The following NAMPT variants were observed in gnomAD, a reference collection of about 807,000 sequenced individuals.
NAMPT encodes the protein nicotinamide phosphoribosyltransferase.
Under a neutral mutation model 58.7 loss-of-function variants are expected in NAMPT, and 7 were observed. The ratio of observed to expected loss-of-function variants is 0.12; its 90% CI spans 0.07 to 0.22. NAMPT has a LOEUF of 0.22. Among genes scored for constraint, NAMPT ranks in the 10% least tolerant of loss-of-function variants. The pLI is 1.00. For missense variants in NAMPT, 271 were observed against 567.9 expected (o/e 0.48, Z 5.31); for synonymous variants, 145 against 198.1 (o/e 0.73, Z 2.25).
chr7:106,277,492 G>T (rs1792670573), intron 1 of NAMPT, among the ~76,000 whole-genome samples: 1 of 152,194 alleles, frequency 6.6e-6, no homozygotes, highest in African/African-American at 2.4e-5. Context: ...AGAGAGAGAA[G>T]CAGCTGCCTA....
At chr7:106,267,876 A>AAAAAAAAAAAAAAACAAAAAAAAAC (rs1189395299) in intron 6 of NAMPT, among the ~76,000 whole-genome samples, 1 of 130,394 alleles carries the variant, frequency 7.7e-6, no homozygotes, top group Non-Finnish European at 1.7e-5. Flanking sequence ...AAAAAAAAAA[A>AAAAAAAAAAAAAAACAAAAAAAAAC]CAACCTGATT....
chr7:106,283,834 G>A (rs1015316684), intron 1 of NAMPT, among the ~76,000 whole-genome samples: 9 of 152,004 alleles, frequency 5.9e-5, no homozygotes, highest in Admixed American at 2.0e-4. Context: ...TCGGAGGAGG[G>A]CTAAAAACAA....
chr7:106,271,444 G>A (rs952979205), intron 4 of NAMPT, among the ~76,000 whole-genome samples: 1 of 152,040 alleles, frequency 6.6e-6, no homozygotes, highest in Admixed American at 6.6e-5. Flanking sequence ...TCACTCAAAG[G>A]CCCTTTAAGT....
chr7:106,282,088 C>A (rs1792776509), intron 1 of NAMPT, among the ~76,000 whole-genome samples: 1 of 152,062 alleles, frequency 6.6e-6, no homozygotes, highest in Non-Finnish European at 1.5e-5. Context: ...CAAGCTGCAA[C>A]AGTACCCCAC....
intron 10 of NAMPT, among the ~76,000 whole-genome samples, chr7:106,252,515 T>G (rs572038691): frequency 2.0e-5 from 3 of 152,070 alleles, no homozygotes; most frequent in Non-Finnish European, 4.4e-5. Context: ...TGTCTAAAGT[T>G]TTTTTTGATC....
Position 106,284,762 on chromosome 7 carries a change from C to CCCCTGCCCAT in NAMPT, c.57+65_57+66insATGGGCAGGG, listed in dbSNP as rs1792837047. ...AACCCCAGCCCCAGCCGCCCCCGCC[C>CCCCTGCCCAT]CCCTGCCGCGCGCTCGTCCCCAGCG... is the stretch of plus-strand genomic sequence containing the variant. On this transcript the variant is annotated intron_variant, in intron 1 of 10. Transcript: ENST00000222553. 2.9e-6 allele frequency: 4 copies of CCCCTGCCCAT among 1,397,350 alleles called. No individual in the cohort carries two copies. In the Admixed American group the frequency reaches 9.5e-5, roughly 33 times the overall value. The allele number at this position is 1,397,350 out of a possible 1,614,324, so 86.6% of individuals were successfully genotyped here.
At chr7:106,255,817 C>T (rs1381398207) in intron 8 of NAMPT, among the ~76,000 whole-genome samples, 5 of 151,858 alleles carry the variant, frequency 3.3e-5, no homozygotes, top group Non-Finnish European at 7.4e-5. Flanking sequence ...AGAAGAAATG[C>T]AAAGAGTAGA....
chr7:106,267,874 A>AAAAAAAAAAAAAAAAC (rs1453900060), intron 6 of NAMPT, among the ~76,000 whole-genome samples: 1 of 135,170 alleles, frequency 7.4e-6, no homozygotes, highest in Non-Finnish European at 1.6e-5. Context: ...AAAAAAAAAA[A>AAAAAAAAAAAAAAAAC]AACAACCTGA....
chr7:106,285,706 G>T, upstream of NAMPT: 2 of 438,362 alleles, frequency 4.6e-6, no homozygotes, highest in Non-Finnish European at 6.1e-6. Context: ...CGGCGGCTCT[G>T]TCTATGGCTG....
chr7:106,283,848 A>G (rs115201749), intron 1 of NAMPT, among the ~76,000 whole-genome samples: 3,516 of 151,632 alleles, frequency 0.023, 126 homozygotes, highest in African/African-American at 0.082. Context: ...AAAACAAAGG[A>G]AAAAAAAAGA....
At chr7:106,253,865 T>C (rs772963236) in intron 9 of NAMPT, among the ~76,000 whole-genome samples, 18 of 152,150 alleles carry the variant, frequency 1.2e-4, no homozygotes, top group Admixed American at 1.3e-4. Flanking sequence ...CCTTGCTCTA[T>C]AGAATCTCCA....
At position 106,249,882 on chromosome 7, in the gene NAMPT, A is replaced by T. The variant is rs1354065800; in HGVS notation, c.*1201T>A. 6.6e-6 allele frequency: 1 copy of T among 152,078 alleles called. No homozygotes were observed. Among genetic ancestry groups the T allele is most frequent in the Non-Finnish European group, 1.5e-5 (1 of 67,952 alleles). 9.4% of individuals were successfully genotyped at this position (152,078 alleles called of 1,614,324 possible). A position where few individuals can be genotyped will look rare whatever the true frequency, so the allele number is the denominator to read the frequency against. On this transcript the variant is annotated 3_prime_UTR_variant, in exon 11 of 11. Coordinates refer to ENST00000222553, the MANE Select transcript of NAMPT (RefSeq NM_005746.3). ...TCAGAATCTAGTAGCTAATCACTCT[A>T]GAACATTTTGATGTCAAGCACTTTG...
intron 5 of NAMPT, 82 bp from the exon 6 acceptor site, chr7:106,268,682 A>C: frequency 5.2e-6 from 5 of 958,022 alleles, no homozygotes; most frequent in Admixed American, 1.8e-5. Context: ...ACCACATTTA[A>C]GGAATATAGC....
At position 106,250,968 on chromosome 7, in the gene NAMPT, T is replaced by G; in HGVS notation, c.*115A>C. On this transcript the variant is annotated 3_prime_UTR_variant, in exon 11 of 11. Transcript: ENST00000222553. ...AAAGAAAAAAAATGAAAGGGCAGTA[T>G]GTCCATAAACCAACAAATAATTTGG... The G allele has an allele frequency of 1.4e-6, 1 of 714,878 alleles. No individual in the cohort carries two copies. The highest frequency in any genetic ancestry group is 1.6e-5 in the South Asian group (1 of 62,110). The allele number at this position is 714,878 out of a possible 1,614,324, so 44.3% of individuals were successfully genotyped here.
At position 106,257,464 on chromosome 7, in the gene NAMPT, T is replaced by TAAA. The variant is rs58198836; in HGVS notation, c.1090-2963_1090-2961dup. On this transcript the variant is annotated intron_variant, in intron 8 of 10. Transcript: ENST00000222553. ...TGAGACCCCCATCTCTACAAAACATTAAAAAAAAAAAAAAAAAAGAGTCAG... is the reference window on the plus strand; with the variant it reads ...TGAGACCCCCATCTCTACAAAACATTAAAAAAAAAAAAAAAAAAAAAGAGTCAG... Among the ~76,000 whole-genome samples, 703 of 125,668 alleles carry TAAA rather than the reference T, an allele frequency of 5.6e-3. 9 individuals carry two copies. The highest frequency in any genetic ancestry group is 0.02 in the African/African-American group (668 of 32,692). 82.4% of individuals were successfully genotyped at this position (125,668 alleles called of 152,430 possible).
chr7:106,249,253 C>T lies in NAMPT; in HGVS notation c.*1830G>A, dbSNP rs1358783284. On this transcript the variant is annotated 3_prime_UTR_variant, in exon 11 of 11. Coordinates refer to ENST00000222553, the MANE Select transcript of NAMPT (RefSeq NM_005746.3). ...AAAAGTGAATAATGCTTATTGTTCT[C>T]ACTACATGTTTAAAGAACCATCTGA... 2.0e-5 allele frequency: 3 copies of T among 152,400 alleles called. No individual in the cohort carries two copies. The highest frequency in any genetic ancestry group is 7.2e-5 in the African/African-American group (3 of 41,384). 9.4% of individuals were successfully genotyped at this position (152,400 alleles called of 1,614,324 possible).
At chr7:106,285,305 C>T, upstream of NAMPT, 6 of 626,702 alleles carry the variant, frequency 9.6e-6, no homozygotes, top group African/African-American at 2.0e-5. Context: ...CGGCGCGTGA[C>T]CCGGGCGCTT....
chr7:106,269,374 A>T, intron 4 of NAMPT, 62 bp from the exon 5 acceptor site: 1 of 1,483,490 alleles, frequency 6.7e-7, no homozygotes, highest in Non-Finnish European at 9.1e-7. Flanking sequence ...TTCTGAGGAA[A>T]ATCCTAGCTT....
rs10266508 is a variant in NAMPT, at chr7:106,264,125, A to C, written c.744-508T>G. 2.6e-3 allele frequency among the ~76,000 whole-genome samples: 401 copies of C among 152,130 alleles called. 3 individuals are homozygous for C. Among genetic ancestry groups the C allele is most frequent in the African/African-American group, 9.2e-3 (381 of 41,522 alleles). On this transcript the variant is annotated intron_variant, in intron 6 of 10. Coordinates refer to ENST00000222553, the MANE Select transcript of NAMPT (RefSeq NM_005746.3). ...TTTCAAAATCTTATACTTAGAGGCAATTATTTATACTATACCATACATACA... is the reference window on the plus strand; with the variant it reads ...TTTCAAAATCTTATACTTAGAGGCACTTATTTATACTATACCATACATACA...
Sources: allele counts gnomAD v4.1 joint callset (sites outside exome capture counted in the v4.1 genomes callset), GRCh38; gene constraint gnomAD v4.1.1; transcripts MANE v1.5; gene names NCBI Gene and HGNC (gene_info 2026-07-23, HGNC 2026-07-21).